ZNF462: variants seen among roughly 807,000 people sequenced by gnomAD.
ZNF462 encodes the protein zinc finger PBX1-interacting protein.
In ZNF462, 10 loss-of-function variants were observed where a neutral mutation model predicts 201.9. The ratio of observed to expected loss-of-function variants is 0.05; its 90% CI spans 0.03 to 0.08. The LOEUF (loss-of-function observed/expected upper bound fraction) is 0.08, where lower values mean the gene tolerates loss of function less well. ZNF462 is among the 10% of genes least tolerant of loss of function. The pLI is 1.00. For synonymous variants in ZNF462, 1,227 were observed against 1,193.3 expected, an observed-to-expected ratio of 1.03 and a Z score of -0.58; for missense variants, 2,523 against 3,168.3, an observed-to-expected ratio of 0.80 and a Z score of 4.89.
chr9:106,979,156 T>G (rs1198063739), intron 9 of ZNF462: 1 of 154,350 alleles, frequency 6.5e-6, no homozygotes, highest in South Asian at 2.0e-4. Context: ...GTAAGAGTAT[T>G]AACTCCTGCT....
At position 106,932,330 on chromosome 9, in the gene ZNF462, C is replaced by T. The variant is rs1206038865; in HGVS notation, c.6013-116C>T. The T allele has an allele frequency of 6.4e-7, 1 of 1,562,702 alleles. No individual in the cohort carries two copies. The highest frequency in any genetic ancestry group is 2.4e-5 in the East Asian group (1 of 41,492). On this transcript the variant is annotated intron_variant, in intron 4 of 12. Coordinates refer to ENST00000277225, the MANE Select transcript of ZNF462 (RefSeq NM_021224.6). This position sits in a 1 kb window ranked among gnomAD's most constrained non-coding sequence, Gnocchi z 6.8. Reference sequence around the variant, plus strand: ...GAAGCAGCCAAAGACGCCAGTGGCGCCCTGGTGGGCCGGGTGGATGGTGAA... The same window carrying T: ...GAAGCAGCCAAAGACGCCAGTGGCGTCCTGGTGGGCCGGGTGGATGGTGAA...
upstream of ZNF462, chr9:106,863,078 G>A (rs978178550): frequency 1.5e-5 from 6 of 395,432 alleles, no homozygotes; most frequent in South Asian, 1.3e-4. Flanking sequence ...GGAGAGAGAG[G>A]GGAGAGAGAG....
rs1464960260 is a variant in ZNF462, at chr9:106,928,082, A to C, written c.4170A>C (p.Ala1390=). The change falls in exon 3 of 13, where the codon GCA becomes GCC. Residue 1390 remains alanine (A), a synonymous_variant. Coordinates refer to ENST00000277225, the MANE Select transcript of ZNF462 (RefSeq NM_021224.6). The surrounding 1 kb of genome is among the most constrained non-coding windows in gnomAD (Gnocchi z 9.3). ...GGGACATCACTAATCACTACCAAGC[A>C]TTCCACCCCTGGGCCATGAATGGTG... ...SIWDITNHYQ[A]FHPWAMNGDE... 1 of 1,614,126 alleles carries C rather than the reference A, an allele frequency of 6.2e-7. No homozygotes were observed. The highest frequency in any genetic ancestry group is 2.2e-5 in the East Asian group (1 of 44,868).
intron 1 of ZNF462, among the ~76,000 whole-genome samples, chr9:106,893,538 T>C (rs1385583579): frequency 6.6e-6 from 1 of 152,190 alleles, no homozygotes; most frequent in African/African-American, 2.4e-5. Flanking sequence ...TTGTAAACAG[T>C]ACTATCATAA....
At chr9:106,956,827 CCAGCTCTGTCACCTCT>C (rs1448869591) in intron 7 of ZNF462, among the ~76,000 whole-genome samples, 1 of 152,148 alleles carries the variant, frequency 6.6e-6, no homozygotes, top group Non-Finnish European at 1.5e-5. Flanking sequence ...CATTTCTTCT[CCAGCTCTGTCACCTCT>C]CTTAGCCTTC....
Position 106,963,012 on chromosome 9 carries a change from T to C in ZNF462, c.6428-8993T>C, listed in dbSNP as rs1048638449. Among the ~76,000 whole-genome samples, 1 of 152,044 alleles carries C rather than the reference T, an allele frequency of 6.6e-6. No homozygotes were observed. Among genetic ancestry groups the C allele is most frequent in the East Asian group, 1.9e-4 (1 of 5,168 alleles). On this transcript the variant is annotated intron_variant, in intron 7 of 12. Transcript: ENST00000277225. The surrounding 1 kb of genome is among the most constrained non-coding windows in gnomAD (Gnocchi z 4.7). Reference sequence around the variant, plus strand: ...GGCGTATGTTCCCCCTTAGACACTATGGAATGGAAATGGTTTGTATTCTAA... The same window carrying C: ...GGCGTATGTTCCCCCTTAGACACTACGGAATGGAAATGGTTTGTATTCTAA...
Position 106,984,568 on chromosome 9 carries a change from AG to A in ZNF462, c.7056+161del, listed in dbSNP as rs1162272068. On this transcript the variant is annotated intron_variant, in intron 10 of 12. Coordinates refer to ENST00000277225, the MANE Select transcript of ZNF462 (RefSeq NM_021224.6). The surrounding 1 kb of genome is among the most constrained non-coding windows in gnomAD (Gnocchi z 6.4). Reference sequence around the variant, plus strand: ...TCTAGTTTCTTCTATTAGAAACGTAAGGTCATTTTTAAAAATTGCGAAACAC... The same window carrying A: ...TCTAGTTTCTTCTATTAGAAACGTAAGTCATTTTTAAAAATTGCGAAACAC... 6.6e-6 allele frequency among the ~76,000 whole-genome samples: 1 copy of A among 152,190 alleles called. No individual in the cohort carries two copies. The highest frequency in any genetic ancestry group is 6.5e-5 in the Admixed American group (1 of 15,274).
chr9:106,872,575 C>T lies in ZNF462; in HGVS notation c.-31+9220C>T, dbSNP rs549242948. On this transcript the variant is annotated intron_variant, in intron 1 of 12. Coordinates refer to ENST00000277225, the MANE Select transcript of ZNF462 (RefSeq NM_021224.6). This position sits in a 1 kb window ranked among gnomAD's most constrained non-coding sequence, Gnocchi z 4.5. ...ACGGGGTTTCACTGTGTTGTCCAGG[C>T]TGGTCTCGAACTCCTGAGCTCAGGC... Among the ~76,000 whole-genome samples the T allele has an allele frequency of 5.9e-5, 9 of 152,250 alleles. No homozygotes were observed. Among genetic ancestry groups the T allele is most frequent in the Non-Finnish European group, 1.2e-4 (8 of 68,026 alleles).
rs956944290 is a variant in ZNF462 at position 107,008,962 on chromosome 9, T to C, written c.7190-583T>C. Among the ~76,000 whole-genome samples the C allele has an allele frequency of 6.6e-6, 1 of 152,170 alleles. No homozygotes were observed. The highest frequency in any genetic ancestry group is 2.4e-5 in the African/African-American group (1 of 41,424). On this transcript the variant is annotated intron_variant, in intron 11 of 12. Coordinates refer to ENST00000277225, the MANE Select transcript of ZNF462 (RefSeq NM_021224.6). This position sits in a 1 kb window ranked among gnomAD's most constrained non-coding sequence, Gnocchi z 4.8. ...TAAATGTTCATGGTAGATTCTTCGC[T>C]TGCAGATCTCATTCAGTGCACATAA...
At chr9:106,953,245 A>T (rs890426002) in intron 7 of ZNF462, among the ~76,000 whole-genome samples, 22 of 152,194 alleles carry the variant, frequency 1.4e-4, no homozygotes, top group African/African-American at 5.3e-4. Context: ...GTGATCTAAT[A>T]CGGGCTAACT....
intron 10 of ZNF462, among the ~76,000 whole-genome samples, chr9:107,002,871 T>C (rs1256235889): frequency 6.6e-6 from 1 of 152,210 alleles, no homozygotes; most frequent in African/African-American, 2.4e-5. Context: ...GTCTCACTGC[T>C]AGTGGTCGGC....
In ZNF462 at chr9:106,930,407, C is replaced by T; in HGVS notation, c.5848-118C>T. 4 of 1,327,860 alleles carry T rather than the reference C, an allele frequency of 3.0e-6. No individual in the cohort carries two copies. The South Asian group carries it at 6.0e-5, about 20-fold the overall frequency. 82.3% of individuals were successfully genotyped at this position (1,327,860 alleles called of 1,614,324 possible). The stretch of plus-strand genomic sequence containing the variant: ...TATAAAAATACTCGCCTATATCTCC[C>T]TTGGTTTTTAACCTGCTAATCGGCT... On this transcript the variant is annotated intron_variant, in intron 3 of 12. Transcript: ENST00000277225. The surrounding 1 kb of genome is among the most constrained non-coding windows in gnomAD (Gnocchi z 5.8).
At position 106,927,602 on chromosome 9, in the gene ZNF462, G is replaced by A. The variant is rs1366611653; in HGVS notation, c.3690G>A (p.Thr1230=). 10 of 1,613,556 alleles carry A rather than the reference G, an allele frequency of 6.2e-6. No homozygotes were observed. The highest frequency in any genetic ancestry group is 3.3e-5 in the Admixed American group (2 of 59,948). ...KANADVIRQH[T]ATIRSLCDRN... is the part of the protein sequence containing the mutation. ...ATGCAGATGTGATCCGGCAGCATAC[G>A]GCCACCATTCGAAGCCTCTGCGACC... Residue 1230 remains threonine (T), a synonymous_variant, in exon 3 of 13, where the codon ACG becomes ACA. Transcript: ENST00000277225.
intron 6 of ZNF462, among the ~76,000 whole-genome samples, chr9:106,937,255 C>T (rs1166650403): frequency 6.6e-6 from 1 of 152,004 alleles, no homozygotes; most frequent in Admixed American, 6.6e-5. Flanking sequence ...CAGTAGTATT[C>T]TATATATTGT....
Position 106,935,472 on chromosome 9 carries a change from A to T in ZNF462, c.6117-31A>T. ...CCTCTATGCAATTTTTAATTTTGTCATTTTTCTTTTTGTTTTCCTTCTACA... is the reference window on the plus strand; with the variant it reads ...CCTCTATGCAATTTTTAATTTTGTCTTTTTTCTTTTTGTTTTCCTTCTACA... On this transcript the variant is annotated intron_variant, in intron 5 of 12. Coordinates refer to ENST00000277225, the MANE Select transcript of ZNF462 (RefSeq NM_021224.6). This position sits in a 1 kb window ranked among gnomAD's most constrained non-coding sequence, Gnocchi z 4.1. The T allele has an allele frequency of 6.3e-7, 1 of 1,598,692 alleles. No homozygotes were observed. The highest frequency in any genetic ancestry group is 8.6e-7 in the Non-Finnish European group (1 of 1,166,760).
In ZNF462 at chr9:107,008,722, A is replaced by G. The variant is rs187500359; in HGVS notation, c.7190-823A>G. ...TGGCCTGAAAACAGTTAAACAGCCA[A>G]TCCACATTTATCAGACTTCTACCAT... On this transcript the variant is annotated intron_variant, in intron 11 of 12. Transcript: ENST00000277225. This position sits in a 1 kb window ranked among gnomAD's most constrained non-coding sequence, Gnocchi z 4.8. Among the ~76,000 whole-genome samples, 48 of 152,352 alleles carry G rather than the reference A, an allele frequency of 3.2e-4. No individual in the cohort carries two copies. The highest frequency in any genetic ancestry group is 5.0e-4 in the Non-Finnish European group (34 of 68,024).
rs1588215406 is a variant in ZNF462 at position 107,010,755 on chromosome 9, A to AT, written c.7314-61dup. 1.3e-4 allele frequency: 178 copies of AT among 1,408,004 alleles called. 1 individual carries two copies. In the South Asian group the frequency reaches 2.2e-3, roughly 18 times the overall value. 87.2% of individuals were successfully genotyped at this position (1,408,004 alleles called of 1,614,324 possible). On this transcript the variant is annotated intron_variant, in intron 12 of 12. Coordinates refer to ENST00000277225, the MANE Select transcript of ZNF462 (RefSeq NM_021224.6). This position sits in a 1 kb window ranked among gnomAD's most constrained non-coding sequence, Gnocchi z 4.6. ...ATAAAGACACTCGAGGGTTTTTATT[A>AT]TTTTTTTGTTTAAAAAGAGAAATAT...
chr9:106,922,123 T>C (rs1039378385), intron 1 of ZNF462, among the ~76,000 whole-genome samples: 3 of 152,226 alleles, frequency 2.0e-5, no homozygotes, highest in African/African-American at 7.2e-5. Context: ...AAATAATTTA[T>C]CTTTTACAGT....
chr9:106,862,953 C>T, upstream of ZNF462: 1 of 395,392 alleles, frequency 2.5e-6, no homozygotes. This position sits in a 1 kb window ranked among gnomAD's most constrained non-coding sequence, Gnocchi z 4.2. Context: ...TGTCTTCCTT[C>T]TCTCTTTCTG....
Sources: allele counts gnomAD v4.1 joint callset (sites outside exome capture counted in the v4.1 genomes callset), GRCh38; gene constraint gnomAD v4.1.1; non-coding constraint Gnocchi (gnomAD v3.1); transcripts MANE v1.5; gene names NCBI Gene and HGNC (gene_info 2026-07-23, HGNC 2026-07-21).